The following SLC6A11 variants were observed in gnomAD, a reference collection of about 807,000 sequenced individuals.
The protein encoded by SLC6A11 is sodium- and chloride-dependent GABA transporter 3.
In SLC6A11, 25 loss-of-function variants were observed where a neutral mutation model predicts 74.8. The ratio of observed to expected loss-of-function variants is 0.33; its 90% CI spans 0.24 to 0.47. The LOEUF is 0.47. SLC6A11 is among the 20% of genes least tolerant of loss of function. SLC6A11 has a pLI of 1.00. For synonymous variants in SLC6A11, 330 were observed against 330.2 expected (o/e 1.00, Z 0.01); for missense variants, 574 against 837.0 (o/e 0.69, Z 3.88).
chr3:10,933,336 G>A, intron 11 of SLC6A11, 83 bp downstream of exon 11: 1 of 925,590 alleles, frequency 1.1e-6, no homozygotes, highest in Non-Finnish European at 1.8e-6. Flanking sequence ...GTTGGCTCTG[G>A]TTCTCTGTGG....
intron 7 of SLC6A11, among the ~76,000 whole-genome samples, chr3:10,916,058 G>A (rs3774086): frequency 0.25 from 37,566 of 152,140 alleles, 5,980 homozygotes; most frequent in Non-Finnish European, 0.36. Context: ...ATTCCAGAAT[G>A]GAGAGGCTGT....
chr3:10,849,794 C>CAAAAAAAAAAAA (rs56099322), intron 5 of SLC6A11, among the ~76,000 whole-genome samples: 9 of 87,248 alleles, frequency 1.0e-4, no homozygotes, highest in Non-Finnish European at 1.6e-4. Context: ...TTGTTGAAGC[C>CAAAAAAAAAAAA]AAAAAAAAAA....
At chr3:10,840,732 G>T (rs1288894655) in intron 4 of SLC6A11, among the ~76,000 whole-genome samples, 7 of 152,174 alleles carry the variant, frequency 4.6e-5, no homozygotes, top group African/African-American at 1.7e-4. Flanking sequence ...GTGGGCTCTG[G>T]AGCCAGGATC....
intron 3 of SLC6A11, 81 bp from the exon 4 acceptor site, chr3:10,823,221 G>A (rs569405639): frequency 1.5e-5 from 15 of 999,642 alleles, no homozygotes; most frequent in African/African-American, 7.9e-5. Flanking sequence ...GCCTAGTTGC[G>A]CATCAGCTCT....
chr3:10,906,927 G>A (rs184289932), intron 6 of SLC6A11, among the ~76,000 whole-genome samples: 15 of 152,220 alleles, frequency 9.9e-5, no homozygotes, highest in African/African-American at 2.2e-4. Context: ...ATTCCTCTAC[G>A]CAAGAAAATC....
intron 3 of SLC6A11, among the ~76,000 whole-genome samples, chr3:10,822,956 C>T (rs1298506906): frequency 1.3e-5 from 2 of 152,154 alleles, no homozygotes; most frequent in African/African-American, 4.8e-5. Context: ...TCCACTACAG[C>T]CCTTCAGCCA....
rs371666872 is a variant in SLC6A11 at position 10,822,607 on chromosome 3, A to G, written c.533-695A>G. ...AGATTTCAGGGGAGGGAGGTTGGGGAAGGCCTCCTGGAGATGGGGTTAAGG... is the reference window on the plus strand; with the variant it reads ...AGATTTCAGGGGAGGGAGGTTGGGGGAGGCCTCCTGGAGATGGGGTTAAGG... On this transcript the variant is annotated intron_variant, in intron 3 of 13. Transcript: ENST00000254488. Among the ~76,000 whole-genome samples, 8 of 152,172 alleles carry G rather than the reference A, an allele frequency of 5.3e-5. No homozygotes were observed. In the South Asian group the frequency reaches 1.0e-3, roughly 20 times the overall value.
chr3:10,870,762 C>T (rs1428285163), intron 5 of SLC6A11, among the ~76,000 whole-genome samples: 1 of 152,208 alleles, frequency 6.6e-6, no homozygotes, highest in Non-Finnish European at 1.5e-5. Context: ...GTGTGCCTTA[C>T]ATAATGATGC....
intron 6 of SLC6A11, among the ~76,000 whole-genome samples, chr3:10,911,669 C>CA (rs1259510089): frequency 2.6e-5 from 4 of 152,184 alleles, no homozygotes; most frequent in African/African-American, 4.8e-5. Flanking sequence ...ACCTTGCAAG[C>CA]AGGCACTAGA....
chr3:10,860,789 G>A (rs1308722838), intron 5 of SLC6A11, among the ~76,000 whole-genome samples: 20 of 152,242 alleles, frequency 1.3e-4, no homozygotes, highest in Admixed American at 1.3e-3. Flanking sequence ...TTGTAGCTTG[G>A]ATGACACCAT....
At chr3:10,903,563 A>C (rs2106621570) in intron 6 of SLC6A11, among the ~76,000 whole-genome samples, 2 of 152,318 alleles carry the variant, frequency 1.3e-5, no homozygotes, top group South Asian at 4.2e-4. Context: ...TTCAGCCTCC[A>C]TTCCTGGGAC....
chr3:10,888,900 G>A (rs1452068924), intron 6 of SLC6A11, among the ~76,000 whole-genome samples: 1 of 152,146 alleles, frequency 6.6e-6, no homozygotes, highest in African/African-American at 2.4e-5. Flanking sequence ...AAATTAATCA[G>A]GAGAAATTTA....
chr3:10,878,618 T>C (rs1694939603), intron 6 of SLC6A11, among the ~76,000 whole-genome samples: 1 of 151,816 alleles, frequency 6.6e-6, no homozygotes, highest in Admixed American at 6.6e-5. Flanking sequence ...TTTTGCCATG[T>C]TGGCCAGGCT....
chr3:10,826,248 T>C (rs1237211040), intron 4 of SLC6A11, among the ~76,000 whole-genome samples: 2 of 152,380 alleles, frequency 1.3e-5, no homozygotes, highest in South Asian at 2.1e-4. Context: ...CCTGGTTACC[T>C]ACCCCAGGCC....
chr3:10,923,442 G>C (rs1695562272), intron 8 of SLC6A11, among the ~76,000 whole-genome samples: 2 of 152,052 alleles, frequency 1.3e-5, no homozygotes, highest in South Asian at 2.1e-4. Context: ...GAAATAACTT[G>C]AACAGCAAAA....
chr3:10,871,120 C>T (rs563260625), intron 5 of SLC6A11, among the ~76,000 whole-genome samples: 3 of 152,156 alleles, frequency 2.0e-5, no homozygotes, highest in Admixed American at 6.6e-5. Flanking sequence ...ACTGTAGTAA[C>T]TGAGGAGCAG....
At chr3:10,875,583 A>G (rs577571834) in intron 6 of SLC6A11, among the ~76,000 whole-genome samples, 4 of 152,388 alleles carry the variant, frequency 2.6e-5, no homozygotes, top group African/African-American at 9.6e-5. Flanking sequence ...GCAGTAGTGC[A>G]TCTTGGTGAG....
intron 5 of SLC6A11, among the ~76,000 whole-genome samples, chr3:10,848,638 G>T (rs1694535149): frequency 6.6e-6 from 1 of 152,234 alleles, no homozygotes; most frequent in Admixed American, 6.5e-5. Flanking sequence ...CTTGGGAGGT[G>T]CCGGGGATAC....
Position 10,929,325 on chromosome 3 carries a change from G to T in SLC6A11, c.1357G>T (p.Val453Leu). 6.2e-7 allele frequency: 1 copy of T among 1,614,056 alleles called. No individual in the cohort carries two copies. ...TGTTATCTCCTATTTTCTGGGCCTC[G>T]TGATGTTAACAGAGGTGAGTGGCAT... Reference protein sequence around the residue: ...LSVISYFLGLVMLTEGGMYIF... With the variant: ...LSVISYFLGLLMLTEGGMYIF... The change falls in exon 10 of 14, where the codon GTG (valine) becomes TTG (leucine). Residue 453 changes from valine to leucine, a missense_variant. Val to Leu is a conservative substitution (Grantham distance 32). Coordinates refer to ENST00000254488, the MANE Select transcript of SLC6A11 (RefSeq NM_014229.3).
Sources: allele counts gnomAD v4.1 joint callset (sites outside exome capture counted in the v4.1 genomes callset), GRCh38; gene constraint gnomAD v4.1.1; transcripts MANE v1.5; gene names NCBI Gene and HGNC (gene_info 2026-07-23, HGNC 2026-07-21).